The following TOGARAM1 variants were observed in gnomAD, a reference collection of about 807,000 sequenced individuals.
The protein encoded by TOGARAM1 is TOG array regulator of axonemal microtubules 1, also known as TOG array regulator of axonemal microtubules protein 1.
A neutral mutation model predicts 166.6 loss-of-function variants in TOGARAM1; 100 were observed. That is an observed-to-expected ratio of 0.60 (90% CI 0.51 to 0.71). TOGARAM1 has a LOEUF of 0.71. Among genes scored for constraint, TOGARAM1 ranks in the 30% least tolerant of loss-of-function variants. The pLI is 0.00. For missense variants in TOGARAM1, 2,029 were observed against 2,102.7 expected, an observed-to-expected ratio of 0.96 and a Z score of 0.69; for synonymous variants, 758 against 763.8, an observed-to-expected ratio of 0.99 and a Z score of 0.13.
At chr14:45,065,175 A>G (rs1383986098) in intron 16 of TOGARAM1, among the ~76,000 whole-genome samples, 1 of 151,468 alleles carries the variant, frequency 6.6e-6, no homozygotes, top group Non-Finnish European at 1.5e-5. Flanking sequence ...AAAAATTAAA[A>G]AAATAAAATA....
intron 3 of TOGARAM1, among the ~76,000 whole-genome samples, chr14:45,000,361 G>T (rs1040463204): frequency 1.3e-5 from 2 of 152,010 alleles, no homozygotes; most frequent in African/African-American, 2.4e-5. Context: ...CACTGCCCTT[G>T]CCAGCCTCTG....
intron 13 of TOGARAM1, among the ~76,000 whole-genome samples, chr14:45,045,599 G>A (rs1204770662): frequency 1.4e-3 from 107 of 74,288 alleles, no homozygotes; most frequent in African/African-American, 5.4e-3. Flanking sequence ...GTGTGTGTGT[G>A]TGTGTGTGTG....
rs1483526966 is a variant in TOGARAM1 at position 44,996,149 on chromosome 14, T to G, written c.2203+247T>G. 5.1e-5 allele frequency: 12 copies of G among 237,090 alleles called. No individual in the cohort carries two copies. In the East Asian group the frequency reaches 9.9e-4, roughly 20 times the overall value. The allele number at this position is 237,090 out of a possible 1,614,324, so 14.7% of individuals were successfully genotyped here. A position where few individuals can be genotyped will look rare whatever the true frequency, so the allele number is the denominator to read the frequency against. On this transcript the variant is annotated intron_variant, in intron 2 of 19. Coordinates refer to ENST00000361462, the MANE Select transcript of TOGARAM1 (RefSeq NM_001308120.2). Reference sequence around the variant, plus strand: ...TGCTTAATACATCACCCATATTTATTAAGGTGCTTTTCTAAGTCCTGGAGG... The same window carrying G: ...TGCTTAATACATCACCCATATTTATGAAGGTGCTTTTCTAAGTCCTGGAGG...
chr14:45,018,977 C>G (rs1313108963), intron 7 of TOGARAM1, among the ~76,000 whole-genome samples: 2 of 152,200 alleles, frequency 1.3e-5, no homozygotes, highest in Non-Finnish European at 2.9e-5. Flanking sequence ...GTTAATTCTA[C>G]TCCATAAAAT....
intron 1 of TOGARAM1, among the ~76,000 whole-genome samples, chr14:44,981,869 A>T (rs1249070042): frequency 5.0e-5 from 6 of 119,356 alleles, no homozygotes; most frequent in Non-Finnish European, 3.3e-5. Flanking sequence ...TTTGAGATGG[A>T]GTCTCCCTCT....
rs777838776 is a variant in TOGARAM1, at chr14:45,028,200, A to G, written c.3529A>G (p.Thr1177Ala). 3.2e-6 allele frequency: 5 copies of G among 1,584,330 alleles called. No individual in the cohort carries two copies. The highest frequency in any genetic ancestry group is 4.3e-6 in the Non-Finnish European group (5 of 1,172,270). ...GGCTAAAGTTTCTATTTCTAAATCT[A>G]CTTATAACAAGATGAGACAAAAGAG... is the stretch of plus-strand genomic sequence containing the variant. ...KDAKVSISKS[T>A]YNKMRQKRKE... Residue 1177 changes from threonine (T) to alanine (A), a missense_variant, in exon 10 of 20, where the codon ACT becomes GCT. Thr to Ala is a moderately conservative substitution (Grantham distance 58). Transcript: ENST00000361462.
intron 8 of TOGARAM1, 40 bp from the exon 9 acceptor site, chr14:45,027,259 A>C (rs933963006): frequency 6.2e-7 from 1 of 1,603,930 alleles, no homozygotes; most frequent in East Asian, 2.3e-5. Flanking sequence ...GTACCATCAC[A>C]TAATTAGTTA....
Position 44,999,455 on chromosome 14 carries a change from G to A in TOGARAM1, c.2296G>A (p.Asp766Asn), listed in dbSNP as rs1887593179. The A allele has an allele frequency of 4.3e-6, 7 of 1,612,220 alleles. No homozygotes were observed. Among genetic ancestry groups the A allele is most frequent in the Non-Finnish European group, 5.9e-6 (7 of 1,178,982 alleles). The change falls in exon 3 of 20, where the codon GAC becomes AAC. Residue 766 changes from aspartate to asparagine, a missense_variant. Coordinates refer to ENST00000361462, the MANE Select transcript of TOGARAM1 (RefSeq NM_001308120.2). ...TGGTAAAACTGGCAGTGTGGGTTCT[G>A]ACTTACAATTCCTAGGGACAACTAG... ...ICGKTGSVGS[D>N]LQFLGTTSSH... is the part of the protein sequence containing the mutation.
At chr14:45,038,309 G>GGCCCACTTGGGCTCTTTCC (rs1463581776) in intron 11 of TOGARAM1, among the ~76,000 whole-genome samples, 4 of 152,242 alleles carry the variant, frequency 2.6e-5, no homozygotes, top group Non-Finnish European at 4.4e-5. Context: ...GTTTTGCTCA[G>GGCCCACTTGGGCTCTTTCC]GCCCACTTGG....
In TOGARAM1 at chr14:44,995,894, G is replaced by A; in HGVS notation, c.2195G>A (p.Cys732Tyr). 1.2e-6 allele frequency: 2 copies of A among 1,604,732 alleles called. No homozygotes were observed. The highest frequency in any genetic ancestry group is 1.7e-6 in the Non-Finnish European group (2 of 1,176,968). ...RDFNPDCLPLCAAGTTGTHQT... is the reference protein window; with the variant it reads ...RDFNPDCLPLYAAGTTGTHQT... ...TTTAACCCAGATTGTCTTCCTTTAT[G>A]TGCTGCTGGTAAGTACAAGTTGCTG... Residue 732 changes from cysteine to tyrosine, a missense_variant, in exon 2 of 20, where the codon TGT becomes TAT. Cys to Tyr is a radical substitution (Grantham distance 194). Transcript: ENST00000361462.
chr14:44,964,570 C>A, intron 1 of TOGARAM1, 103 bp downstream of exon 1: 1 of 1,301,688 alleles, frequency 7.7e-7, no homozygotes, highest in Non-Finnish European at 1.0e-6. Context: ...ACATGTTATG[C>A]TTTGTTTTAA....
At position 45,074,422 on chromosome 14, in the gene TOGARAM1, T is replaced by C. The variant is rs1000047015; in HGVS notation, c.*861T>C. The C allele has an allele frequency of 6.6e-6, 1 of 152,560 alleles. No individual in the cohort carries two copies. The highest frequency in any genetic ancestry group is 2.4e-5 in the African/African-American group (1 of 41,432). 9.5% of individuals were successfully genotyped at this position (152,560 alleles called of 1,614,324 possible). A position where few individuals can be genotyped will look rare whatever the true frequency, so the allele number is the denominator to read the frequency against. On this transcript the variant is annotated 3_prime_UTR_variant, in exon 20 of 20. Transcript: ENST00000361462. ...AGGAATGTTATAAAATAAAAGGATT[T>C]ATTTCTTTAGATGTGTGAGAGGTGT...
At chr14:44,997,163 CT>C (rs1217427516) in intron 2 of TOGARAM1, 1 of 152,250 alleles carries the variant, frequency 6.6e-6, no homozygotes, top group Non-Finnish European at 1.5e-5. Flanking sequence ...AATCCCAGCA[CT>C]TTGGGGGCCA....
chr14:45,001,104 T>C (rs916508578), intron 3 of TOGARAM1, among the ~76,000 whole-genome samples: 14 of 152,198 alleles, frequency 9.2e-5, no homozygotes, highest in African/African-American at 3.4e-4. Context: ...CCACCAGCAG[T>C]GTACAAGCAT....
chr14:45,027,323 C>T lies in TOGARAM1; in HGVS notation c.3353C>T (p.Ala1118Val). 6.2e-7 allele frequency: 1 copy of T among 1,613,038 alleles called. No homozygotes were observed. The highest frequency in any genetic ancestry group is 8.5e-7 in the Non-Finnish European group (1 of 1,179,712). The change falls in exon 9 of 20, where the codon GCA becomes GTA. Residue 1118 changes from alanine (A) to valine (V), a missense_variant. Physicochemically the swap from Ala to Val is moderately conservative, Grantham distance 64 (BLOSUM62 0). This residue lies in a region of TOGARAM1 where 1,453 missense variants were observed against 1,432.2 expected (regional missense o/e 1.01). Coordinates refer to ENST00000361462, the MANE Select transcript of TOGARAM1 (RefSeq NM_001308120.2). Reference sequence around the variant, plus strand: ...GGCGTATTTGGAAGTTTAAGTTCAGCACCAGCAACCTGCAGCCAATCAGTG... The same window carrying T: ...GGCGTATTTGGAAGTTTAAGTTCAGTACCAGCAACCTGCAGCCAATCAGTG... ...GKGVFGSLSS[A>V]PATCSQSVIS...
intron 5 of TOGARAM1, chr14:45,006,540 T>G: frequency 3.9e-6 from 1 of 254,720 alleles, no homozygotes; most frequent in Non-Finnish European, 7.7e-6. Context: ...ATTAAAAGTA[T>G]GAATAATAAT....
Position 44,995,844 on chromosome 14 carries a change from A to G in TOGARAM1, c.2145A>G (p.Arg715=), listed in dbSNP as rs1400343851. 3 of 1,610,780 alleles carry G rather than the reference A, an allele frequency of 1.9e-6. No homozygotes were observed. The highest frequency in any genetic ancestry group is 2.5e-6 in the Non-Finnish European group (3 of 1,178,978). The change falls in exon 2 of 20, where the codon AGA becomes AGG. Residue 715 remains arginine (R), a synonymous_variant. Coordinates refer to ENST00000361462, the MANE Select transcript of TOGARAM1 (RefSeq NM_001308120.2). ...DLCFSRKRVS[R]NLFQNSRDFN... ...GTTTTAGCAGAAAAAGAGTATCAAG[A>G]AACTTATTTCAGAATAGTCGGGATT...
intron 11 of TOGARAM1, among the ~76,000 whole-genome samples, chr14:45,040,178 CTAAG>C (rs1881653516): frequency 6.6e-6 from 1 of 152,090 alleles, no homozygotes; most frequent in African/African-American, 2.4e-5. Context: ...TATTTAGAAA[CTAAG>C]TAACACACTT....
chr14:45,039,874 C>T (rs764542383), intron 11 of TOGARAM1, among the ~76,000 whole-genome samples: 1 of 152,138 alleles, frequency 6.6e-6, no homozygotes, highest in Non-Finnish European at 1.5e-5. Context: ...CTGGCTCCCG[C>T]TGGCTCCAGG....
Sources: allele counts gnomAD v4.1 joint callset (sites outside exome capture counted in the v4.1 genomes callset), GRCh38; gene constraint gnomAD v4.1.1; regional missense constraint gnomAD v4.1.1; transcripts MANE v1.5; gene names NCBI Gene and HGNC (gene_info 2026-07-23, HGNC 2026-07-21).